DLEC1: variants seen among roughly 807,000 people sequenced by gnomAD.
DLEC1 encodes the protein DLEC1 cilia and flagella associated protein, also known as deleted in lung and esophageal cancer protein 1.
A neutral mutation model predicts 198.1 loss-of-function variants in DLEC1; 146 were observed. The observed-to-expected ratio is 0.74, with a 90% CI of 0.64 to 0.85. DLEC1 has a LOEUF of 0.85. DLEC1 is among the 40% of genes least tolerant of loss of function. The pLI, the probability that DLEC1 is intolerant of heterozygous loss-of-function variation, is 0.00. For missense variants in DLEC1, 2,233 were observed against 2,220.0 expected (o/e 1.01, Z -0.12); for synonymous variants, 897 against 866.8 (o/e 1.03, Z -0.61).
At chr3:38,109,772 C>G in intron 22 of DLEC1, 1 of 867,758 alleles carries the variant, frequency 1.2e-6, no homozygotes, top group Non-Finnish European at 1.7e-6. Context: ...TCCCCACACA[C>G]ACTTGGAGGC....
At chr3:38,097,468 G>T in intron 16 of DLEC1, 39 bp from the exon 17 acceptor site, 1 of 1,611,082 alleles carries the variant, frequency 6.2e-7, no homozygotes, top group South Asian at 1.1e-5. Flanking sequence ...AACTGCCTCT[G>T]CTTCTCCTCT....
At chr3:38,039,684 C>T (rs751775127) in intron 1 of DLEC1, 48 bp downstream of exon 1, 5 of 1,542,108 alleles carry the variant, frequency 3.2e-6, no homozygotes, top group African/African-American at 2.7e-5. Context: ...GGGGTCTCAG[C>T]GCTCGGCACG....
intron 7 of DLEC1, among the ~76,000 whole-genome samples, chr3:38,084,583 G>GTAGTGGTGGTGGTAGTAGTA: frequency 9.1e-4 from 1 of 1,100 alleles, no homozygotes; most frequent in African/African-American, 5.4e-3. Flanking sequence ...GTAGTGGGGG[G>GTAGTGGTGGTGGTAGTAGTA]GTGGTAGTAG....
intron 33 of DLEC1, among the ~76,000 whole-genome samples, 162 bp from the exon 34 acceptor site, chr3:38,120,286 T>A (rs1208372958): frequency 6.6e-6 from 1 of 152,170 alleles, no homozygotes; most frequent in South Asian, 2.1e-4. Flanking sequence ...GCAGAGTAGG[T>A]GCTGGGCAGC....
intron 19 of DLEC1, among the ~76,000 whole-genome samples, chr3:38,107,279 A>G (rs1699615056): frequency 1.3e-5 from 2 of 152,326 alleles, no homozygotes; most frequent in South Asian, 4.1e-4. Flanking sequence ...CTTTGAAATA[A>G]GCCCAGAGTG....
chr3:38,096,775 G>A (rs1489272688), intron 15 of DLEC1, 38 bp downstream of exon 15: 1 of 1,569,024 alleles, frequency 6.4e-7, no homozygotes, highest in Admixed American at 1.8e-5. Context: ...GCTGGCCGAG[G>A]CAGTGTTGAC....
At chr3:38,052,291 A>AGGC (rs1424907273) in intron 2 of DLEC1, 1 of 454,402 alleles carries the variant, frequency 2.2e-6, no homozygotes, top group Non-Finnish European at 4.4e-6. Context: ...CATAGAGAGC[A>AGGC]GGCTGGGACC....
intron 13 of DLEC1, chr3:38,095,307 C>G (rs921079739): frequency 1.9e-4 from 105 of 552,818 alleles, no homozygotes; most frequent in Non-Finnish European, 1.9e-4. Context: ...CCTTGGCTGG[C>G]TTCCTCCGCT....
chr3:38,116,630 C>T lies in DLEC1; in HGVS notation c.4034C>T (p.Ser1345Leu), dbSNP rs767597339. 13 of 1,613,926 alleles carry T rather than the reference C, an allele frequency of 8.1e-6. No homozygotes were observed. Among genetic ancestry groups the T allele is most frequent in the Middle Eastern group, 1.6e-4 (1 of 6,080 alleles). Residue 1345 changes from serine to leucine, a missense_variant, in exon 28 of 37, where the codon TCG becomes TTG. Physicochemically the swap from Ser to Leu is moderately radical, Grantham distance 145 (BLOSUM62 -2). Coordinates refer to ENST00000308059, the MANE Select transcript of DLEC1 (RefSeq NM_007335.4). The stretch of plus-strand genomic sequence containing the variant: ...TGGTCCCCAGGCCCCTCCAGTTCAT[C>T]GGAATTCAGCCATGAAACTGACTCA... Reference protein sequence around the residue: ...LLWSPGPSSSSEFSHETDSSV... With the variant: ...LLWSPGPSSSLEFSHETDSSV...
rs752481817 is a variant in DLEC1 at position 38,059,800 on chromosome 3, C to A, written c.621C>A (p.Ile207=). The part of the protein sequence containing the change: ...DSELLRKHHL[I]SPEDYYTDTV... ...AGTTGCTACGGAAACATCATTTGAT[C>A]TCCCCAGAAGATTACTACACCGATA... is the stretch of plus-strand genomic sequence containing the variant. Residue 207 remains isoleucine, a synonymous_variant, in exon 3 of 37, where the codon ATC becomes ATA. Coordinates refer to ENST00000308059, the MANE Select transcript of DLEC1 (RefSeq NM_007335.4). The A allele has an allele frequency of 1.2e-6, 2 of 1,614,152 alleles. No homozygotes were observed. Among genetic ancestry groups the A allele is most frequent in the African/African-American group, 1.3e-5 (1 of 75,024 alleles).
chr3:38,120,183 G>A (rs1700376858), intron 33 of DLEC1, among the ~76,000 whole-genome samples: 1 of 152,228 alleles, frequency 6.6e-6, no homozygotes, highest in South Asian at 2.1e-4. Flanking sequence ...GGCATTTGAA[G>A]CTGTAAAGGG....
chr3:38,073,967 G>A (rs1282572812), intron 6 of DLEC1, among the ~76,000 whole-genome samples: 1 of 152,210 alleles, frequency 6.6e-6, no homozygotes. Flanking sequence ...CGGTCAGAGA[G>A]CCTTGGGCTA....
chr3:38,110,091 GT>G lies in DLEC1; in HGVS notation c.3261-4del, dbSNP rs1167756929. On this transcript the variant is annotated splice_polypyrimidine_tract_variant and splice_region_variant and intron_variant, in intron 22 of 36. Transcript: ENST00000308059. Reference sequence around the variant, plus strand: ...ATAGTACCAATGGGCACAGGACAGTGTTTTCAGCACAGAGCAGTGGCCAGGC... The same window carrying G: ...ATAGTACCAATGGGCACAGGACAGTGTTTCAGCACAGAGCAGTGGCCAGGC... 6.2e-7 allele frequency: 1 copy of G among 1,613,434 alleles called. No individual in the cohort carries two copies.
intron 23 of DLEC1, among the ~76,000 whole-genome samples, chr3:38,110,964 A>C (rs951607785): frequency 4.6e-5 from 7 of 152,148 alleles, no homozygotes; most frequent in Admixed American, 4.6e-4. Flanking sequence ...ATACATATGC[A>C]CATACATACA....
intron 11 of DLEC1, 98 bp downstream of exon 11, chr3:38,092,978 CTG>C: frequency 1.7e-6 from 2 of 1,154,050 alleles, no homozygotes; most frequent in South Asian, 1.2e-5. Flanking sequence ...CACCTGTTTC[CTG>C]TGTGTGTCAG....
chr3:38,094,154 T>G (rs1158644196), intron 12 of DLEC1, among the ~76,000 whole-genome samples: 1 of 152,152 alleles, frequency 6.6e-6, no homozygotes, highest in Non-Finnish European at 1.5e-5. Context: ...GGACATACCA[T>G]GCCTGTGTAG....
intron 6 of DLEC1, among the ~76,000 whole-genome samples, chr3:38,065,744 C>G (rs1029059752): frequency 6.6e-5 from 10 of 152,310 alleles, no homozygotes; most frequent in Non-Finnish European, 1.3e-4. Context: ...TAATACCCAT[C>G]TATGTCTGAT....
chr3:38,120,640 A>G (rs1300170744), intron 34 of DLEC1, 31 bp downstream of exon 34: 5 of 1,611,474 alleles, frequency 3.1e-6, no homozygotes, highest in Non-Finnish European at 4.2e-6. Context: ...CATGTGGAGG[A>G]GGGTGGAAGT....
chr3:38,044,012 T>C (rs1199536603), intron 1 of DLEC1, among the ~76,000 whole-genome samples: 1 of 152,182 alleles, frequency 6.6e-6, no homozygotes, highest in African/African-American at 2.4e-5. Context: ...CTTGTGCCTG[T>C]AATCCCAGCA....
Sources: allele counts gnomAD v4.1 joint callset (sites outside exome capture counted in the v4.1 genomes callset), GRCh38; gene constraint gnomAD v4.1.1; transcripts MANE v1.5; gene names NCBI Gene and HGNC (gene_info 2026-07-23, HGNC 2026-07-21).